Variants in SOX9 observed in about 807,000 individuals in gnomAD.
SOX9 encodes SRY-box transcription factor 9, also known as transcription factor SOX-9.
Under a neutral mutation model 44.8 loss-of-function variants are expected in SOX9, and 2 were observed. The ratio of observed to expected loss-of-function variants is 0.04; its 90% CI spans 0.02 to 0.14. The LOEUF (loss-of-function observed/expected upper bound fraction) is 0.14. Ranked by LOEUF, SOX9 falls within the 10% of genes least tolerant of loss-of-function variation. The pLI is 1.00. For synonymous variants in SOX9, 381 were observed against 331.8 expected (o/e 1.15, Z -1.61); for missense variants, 583 against 728.6 (o/e 0.80, Z 2.30).
rs1908086972 is a variant in SOX9 at position 72,121,446 on chromosome 17, T to C, written c.55T>C (p.Ser19Pro). Residue 19 changes from serine (S) to proline (P), a missense_variant, in exon 1 of 3, where the codon TCC becomes CCC. This residue lies in a region of SOX9 where 101 missense variants were observed against 98.6 expected (regional missense o/e 1.02). Coordinates refer to ENST00000245479, the MANE Select transcript of SOX9 (RefSeq NM_000346.4). This position sits in a 1 kb window ranked among gnomAD's most constrained non-coding sequence, Gnocchi z 8.3. Reference sequence around the variant, plus strand: ...GACCGACGAGCAGGAGAAGGGCCTGTCCGGCGCCCCCAGCCCCACCATGTC... The same window carrying C: ...GACCGACGAGCAGGAGAAGGGCCTGCCCGGCGCCCCCAGCCCCACCATGTC... ...KMTDEQEKGLSGAPSPTMSED... is the reference protein window; with the variant it reads ...KMTDEQEKGLPGAPSPTMSED... 2 of 1,612,630 alleles carry C rather than the reference T, an allele frequency of 1.2e-6. No homozygotes were observed. Among genetic ancestry groups the C allele is most frequent in the Non-Finnish European group, 1.7e-6 (2 of 1,179,738 alleles).
rs2143256123 is a variant in SOX9 at position 72,124,122 on chromosome 17, C to G, written c.1265C>G (p.Pro422Arg). Residue 422 changes from proline to arginine, a missense_variant, in exon 3 of 3, where the codon CCC (proline) becomes CGC (arginine). Pro to Arg is a moderately radical substitution (Grantham distance 103). Coordinates refer to ENST00000245479, the MANE Select transcript of SOX9 (RefSeq NM_000346.4). The surrounding 1 kb of genome is among the most constrained non-coding windows in gnomAD (Gnocchi z 4.6). Reference protein sequence around the residue: ...QHSPQQIAYSPFNLPHYSPSY... With the variant: ...QHSPQQIAYSRFNLPHYSPSY... The stretch of plus-strand genomic sequence containing the variant: ...TCGCCCCAACAGATCGCCTACAGCC[C>G]CTTCAACCTCCCACACTACAGCCCC... 1 of 1,613,850 alleles carries G rather than the reference C, an allele frequency of 6.2e-7. No individual in the cohort carries two copies. Among genetic ancestry groups the G allele is most frequent in the Non-Finnish European group, 8.5e-7 (1 of 1,180,022 alleles).
Position 72,122,713 on chromosome 17 carries a change from G to T in SOX9, c.432-6G>T, listed in dbSNP as rs1318186659. ...TTCTCTGTGCCCCCCGCCCCGCCCC[G>T]AGCAGACTTCTGAACGAGAGCGAGA... On this transcript the variant is annotated splice_region_variant and splice_polypyrimidine_tract_variant and intron_variant, in intron 1 of 2. Coordinates refer to ENST00000245479, the MANE Select transcript of SOX9 (RefSeq NM_000346.4). 3.1e-6 allele frequency: 5 copies of T among 1,613,518 alleles called. No homozygotes were observed. Among genetic ancestry groups the T allele is most frequent in the Non-Finnish European group, 3.4e-6 (4 of 1,179,798 alleles).
At position 72,123,343 on chromosome 17, in the gene SOX9, C is replaced by G. The variant is rs1908168696; in HGVS notation, c.686-200C>G. ...GGACCCTCCGGGCCCCAGACCCTCC[C>G]CTGATAAAAGGGGGCTGTCCAGTGT... On this transcript the variant is annotated intron_variant, in intron 2 of 2. Coordinates refer to ENST00000245479, the MANE Select transcript of SOX9 (RefSeq NM_000346.4). This position sits in a 1 kb window ranked among gnomAD's most constrained non-coding sequence, Gnocchi z 6.5. 6.6e-6 allele frequency among the ~76,000 whole-genome samples: 1 copy of G among 152,190 alleles called. No homozygotes were observed. The highest frequency in any genetic ancestry group is 6.5e-5 in the Admixed American group (1 of 15,292).
rs750801924 is a variant in SOX9, at chr17:72,124,929, A to G, written c.*542A>G. 8.8e-5 allele frequency: 21 copies of G among 239,354 alleles called. No individual in the cohort carries two copies. The highest frequency in any genetic ancestry group is 1.4e-4 in the Non-Finnish European group (17 of 120,248). 14.8% of individuals were successfully genotyped at this position (239,354 alleles called of 1,614,324 possible). Reference sequence around the variant, plus strand: ...CTCTTATTTTTCCAACAGCTAAACTACTCTTAGTTGAACAGTGTGCCCTAG... The same window carrying G: ...CTCTTATTTTTCCAACAGCTAAACTGCTCTTAGTTGAACAGTGTGCCCTAG... On this transcript the variant is annotated 3_prime_UTR_variant, in exon 3 of 3. Transcript: ENST00000245479. The surrounding 1 kb of genome is among the most constrained non-coding windows in gnomAD (Gnocchi z 4.6).
Position 72,123,459 on chromosome 17 carries a change from G to A in SOX9, c.686-84G>A. 8 of 1,582,506 alleles carry A rather than the reference G, an allele frequency of 5.1e-6. No homozygotes were observed. The highest frequency in any genetic ancestry group is 1.1e-5 in the South Asian group (1 of 90,368). On this transcript the variant is annotated intron_variant, in intron 2 of 2. Coordinates refer to ENST00000245479, the MANE Select transcript of SOX9 (RefSeq NM_000346.4). The surrounding 1 kb of genome is among the most constrained non-coding windows in gnomAD (Gnocchi z 6.5). ...CCCTTATTACACTTTAGCAGCGAGG[G>A]AGGGTCCCCGGAGGGTGCCTAAGAC...
Position 72,122,955 on chromosome 17 carries a change from C to T in SOX9, c.668C>T (p.Ser223Phe), listed in dbSNP as rs772806721. Residue 223 changes from serine (S) to phenylalanine (F), a missense_variant, in exon 2 of 3, where the codon TCC becomes TTC. Ser to Phe is a radical substitution (Grantham distance 155, BLOSUM62 -2). This residue lies in a region of SOX9 where 88 missense variants were observed against 65.5 expected (regional missense o/e 1.34). Transcript: ENST00000245479. Reference protein sequence around the residue: ...HSSSGMSEVHSPGEHSGQSQG... With the variant: ...HSSSGMSEVHFPGEHSGQSQG... ...TCCTCCGGCATGAGCGAGGTGCACTCCCCCGGCGAGCACTCGGGTGAGTCG... is the reference window on the plus strand; with the variant it reads ...TCCTCCGGCATGAGCGAGGTGCACTTCCCCGGCGAGCACTCGGGTGAGTCG... 6.2e-7 allele frequency: 1 copy of T among 1,613,688 alleles called. No homozygotes were observed. Among genetic ancestry groups the T allele is most frequent in the South Asian group, 1.1e-5 (1 of 91,084 alleles).
Position 72,123,069 on chromosome 17 carries a change from C to A in SOX9, c.685+97C>A, listed in dbSNP as rs2143248297. 6.7e-7 allele frequency: 1 copy of A among 1,498,804 alleles called. No homozygotes were observed. The highest frequency in any genetic ancestry group is 9.1e-7 in the Non-Finnish European group (1 of 1,097,228). 92.8% of individuals were successfully genotyped at this position (1,498,804 alleles called of 1,614,324 possible). ...GGAGATTCTTCGTGGGGACTTTATG[C>A]TTCCCGGGAGGGACACACTGCCCTT... is the stretch of plus-strand genomic sequence containing the variant. On this transcript the variant is annotated intron_variant, in intron 2 of 2. Coordinates refer to ENST00000245479, the MANE Select transcript of SOX9 (RefSeq NM_000346.4). The surrounding 1 kb of genome is among the most constrained non-coding windows in gnomAD (Gnocchi z 6.5).
In SOX9 at chr17:72,124,331, A is replaced by G; in HGVS notation, c.1474A>G (p.Thr492Ala). Residue 492 changes from threonine to alanine, a missense_variant, in exon 3 of 3, where the codon ACC becomes GCC. Thr to Ala is a moderately conservative substitution (Grantham distance 58, BLOSUM62 0). Coordinates refer to ENST00000245479, the MANE Select transcript of SOX9 (RefSeq NM_000346.4). The surrounding 1 kb of genome is among the most constrained non-coding windows in gnomAD (Gnocchi z 4.6). ...CTCTGGGGTCCCTTCCATCCCGCAG[A>G]CCCACAGCCCCCAGCACTGGGAACA... ...DTSGVPSIPQ[T>A]HSPQHWEQPV... 6.2e-7 allele frequency: 1 copy of G among 1,602,918 alleles called. No individual in the cohort carries two copies. The highest frequency in any genetic ancestry group is 8.5e-7 in the Non-Finnish European group (1 of 1,179,926).
At position 72,123,827 on chromosome 17, in the gene SOX9, A is replaced by C; in HGVS notation, c.970A>C (p.Thr324Pro). 1 of 1,607,522 alleles carries C rather than the reference A, an allele frequency of 6.2e-7. No individual in the cohort carries two copies. ...TYTGSYGISS[T>P]AATPASAGHV... ...CACGGGCAGCTACGGCATCAGCAGC[A>C]CCGCGGCCACCCCGGCGAGCGCGGG... is the stretch of plus-strand genomic sequence containing the variant. The change falls in exon 3 of 3, where the codon ACC (threonine) becomes CCC (proline). Residue 324 changes from threonine (T) to proline (P), a missense_variant. By Grantham distance (38) the Thr-to-Pro change is conservative (BLOSUM62 -1). Coordinates refer to ENST00000245479, the MANE Select transcript of SOX9 (RefSeq NM_000346.4). The surrounding 1 kb of genome is among the most constrained non-coding windows in gnomAD (Gnocchi z 6.5).
At position 72,123,645 on chromosome 17, in the gene SOX9, G is replaced by T. The variant is rs756469416; in HGVS notation, c.788G>T (p.Gly263Val). ...KREGRPLPEG[G>V]RQPPIDFRDV... ...GAGGGGCGCCCCTTGCCAGAGGGGG[G>T]CAGACAGCCCCCTATCGACTTCCGC... The change falls in exon 3 of 3, where the codon GGC (glycine) becomes GTC (valine). Residue 263 changes from glycine (G) to valine (V), a missense_variant. Physicochemically the swap from Gly to Val is moderately radical, Grantham distance 109. Coordinates refer to ENST00000245479, the MANE Select transcript of SOX9 (RefSeq NM_000346.4). The surrounding 1 kb of genome is among the most constrained non-coding windows in gnomAD (Gnocchi z 6.5). 1.2e-6 allele frequency: 2 copies of T among 1,614,130 alleles called. No homozygotes were observed. Among genetic ancestry groups the T allele is most frequent in the Non-Finnish European group, 1.7e-6 (2 of 1,180,018 alleles).
rs11448561 is a variant in SOX9 at position 72,126,364 on chromosome 17, C to CTT, written c.*1988_*1989dup. On this transcript the variant is annotated 3_prime_UTR_variant, in exon 3 of 3. Coordinates refer to ENST00000245479, the MANE Select transcript of SOX9 (RefSeq NM_000346.4). Reference sequence around the variant, plus strand: ...AACTTACCTTTCCCTTTTTCTTTCTCTTTTTTTTTTTTGTATATTATTGTT... The same window carrying CTT: ...AACTTACCTTTCCCTTTTTCTTTCTCTTTTTTTTTTTTTTGTATATTATTGTT... The CTT allele has an allele frequency of 6.6e-3, 1,399 of 211,430 alleles. 18 individuals carry two copies. The highest frequency in any genetic ancestry group is 0.025 in the African/African-American group (1,075 of 42,620). 13.1% of individuals were successfully genotyped at this position (211,430 alleles called of 1,614,324 possible).
At chr17:72,122,171 T>C (rs1439032709) in intron 1 of SOX9, among the ~76,000 whole-genome samples, 1 of 151,872 alleles carries the variant, frequency 6.6e-6, no homozygotes, top group African/African-American at 2.4e-5. Context: ...GCCTCCCTCC[T>C]ACCCGGCCTC....
rs1451445875 is a variant in SOX9 at position 72,123,840 on chromosome 17, C to G, written c.983C>G (p.Pro328Arg). The G allele has an allele frequency of 1.3e-6, 2 of 1,599,404 alleles. No homozygotes were observed. Among genetic ancestry groups the G allele is most frequent in the South Asian group, 1.1e-5 (1 of 90,314 alleles). Residue 328 changes from proline (P) to arginine (R), a missense_variant, in exon 3 of 3, where the codon CCG (proline) becomes CGG (arginine). Physicochemically the swap from Pro to Arg is moderately radical, Grantham distance 103. Coordinates refer to ENST00000245479, the MANE Select transcript of SOX9 (RefSeq NM_000346.4). This position sits in a 1 kb window ranked among gnomAD's most constrained non-coding sequence, Gnocchi z 6.5. ...SYGISSTAAT[P>R]ASAGHVWMSK... The stretch of plus-strand genomic sequence containing the variant: ...GGCATCAGCAGCACCGCGGCCACCC[C>G]GGCGAGCGCGGGCCACGTGTGGATG...
chr17:72,123,406 T>C lies in SOX9; in HGVS notation c.686-137T>C. ...TAATCATTGGGCGACTTATCTCCGG[T>C]GCAGCGCGCCTCTTGCGCGGGTGCG... On this transcript the variant is annotated intron_variant, in intron 2 of 2. Transcript: ENST00000245479. This position sits in a 1 kb window ranked among gnomAD's most constrained non-coding sequence, Gnocchi z 6.5. The C allele has an allele frequency of 8.3e-7, 1 of 1,198,440 alleles. No homozygotes were observed. Among genetic ancestry groups the C allele is most frequent in the Non-Finnish European group, 1.2e-6 (1 of 828,180 alleles). 74.2% of individuals were successfully genotyped at this position (1,198,440 alleles called of 1,614,324 possible). A position where few individuals can be genotyped will look rare whatever the true frequency, so the allele number is the denominator to read the frequency against.
In SOX9 at chr17:72,123,845, A is replaced by G. The variant is rs2143253079; in HGVS notation, c.988A>G (p.Ser330Gly). 6.3e-7 allele frequency: 1 copy of G among 1,596,708 alleles called. No individual in the cohort carries two copies. Residue 330 changes from serine to glycine, a missense_variant, in exon 3 of 3, where the codon AGC (serine) becomes GGC (glycine). Ser to Gly is a moderately conservative substitution (Grantham distance 56). Coordinates refer to ENST00000245479, the MANE Select transcript of SOX9 (RefSeq NM_000346.4). This position sits in a 1 kb window ranked among gnomAD's most constrained non-coding sequence, Gnocchi z 6.5. ...GISSTAATPA[S>G]AGHVWMSKQQ... ...CAGCAGCACCGCGGCCACCCCGGCG[A>G]GCGCGGGCCACGTGTGGATGTCCAA...
At position 72,123,455 on chromosome 17, in the gene SOX9, G is replaced by A. The variant is rs1908172744; in HGVS notation, c.686-88G>A. Reference sequence around the variant, plus strand: ...CGGGCCCTTATTACACTTTAGCAGCGAGGGAGGGTCCCCGGAGGGTGCCTA... The same window carrying A: ...CGGGCCCTTATTACACTTTAGCAGCAAGGGAGGGTCCCCGGAGGGTGCCTA... On this transcript the variant is annotated intron_variant, in intron 2 of 2. Coordinates refer to ENST00000245479, the MANE Select transcript of SOX9 (RefSeq NM_000346.4). The surrounding 1 kb of genome is among the most constrained non-coding windows in gnomAD (Gnocchi z 6.5). 3.2e-6 allele frequency: 5 copies of A among 1,575,658 alleles called. No individual in the cohort carries two copies. The highest frequency in any genetic ancestry group is 2.2e-5 in the East Asian group (1 of 44,658).
rs1249440631 is a variant in SOX9, at chr17:72,122,797, G to A, written c.510G>A (p.Pro170=). ...RLRVQHKKDH[P]DYKYQPRRRK... ...GCGTGCAGCACAAGAAGGACCACCC[G>A]GATTACAAGTACCAGCCGCGGCGGA... Residue 170 remains proline (P), a synonymous_variant, in exon 2 of 3, where the codon CCG becomes CCA. Transcript: ENST00000245479. The A allele has an allele frequency of 1.9e-6, 3 of 1,613,988 alleles. No individual in the cohort carries two copies. The highest frequency in any genetic ancestry group is 2.2e-5 in the East Asian group (1 of 44,868).
At position 72,121,331 on chromosome 17, in the gene SOX9, C is replaced by A. The variant is rs1908080826; in HGVS notation, c.-61C>A. The A allele has an allele frequency of 6.7e-7, 1 of 1,497,308 alleles. No homozygotes were observed. The highest frequency in any genetic ancestry group is 1.1e-5 in the South Asian group (1 of 87,334). 92.8% of individuals were successfully genotyped at this position (1,497,308 alleles called of 1,614,324 possible). A position where few individuals can be genotyped will look rare whatever the true frequency, so the allele number is the denominator to read the frequency against. ...GGGGAGAGGAGCCCGCGCCTCGAGT[C>A]CCCGAGCCGCCGCGGCTTCTCGCCT... On this transcript the variant is annotated 5_prime_UTR_variant, in exon 1 of 3. Coordinates refer to ENST00000245479, the MANE Select transcript of SOX9 (RefSeq NM_000346.4). The surrounding 1 kb of genome is among the most constrained non-coding windows in gnomAD (Gnocchi z 8.3).
rs908696800 is a variant in SOX9, at chr17:72,126,213, C to A, written c.*1826C>A. 2.6e-5 allele frequency: 6 copies of A among 232,826 alleles called. No homozygotes were observed. Among genetic ancestry groups the A allele is most frequent in the African/African-American group, 4.4e-5 (2 of 45,288 alleles). 14.4% of individuals were successfully genotyped at this position (232,826 alleles called of 1,614,324 possible). A position where few individuals can be genotyped will look rare whatever the true frequency, so the allele number is the denominator to read the frequency against. ...AGCAGATCTTTTTAAAAAGATACTT[C>A]TGTAACTTAAGAAACCTGGCATTTA... On this transcript the variant is annotated 3_prime_UTR_variant, in exon 3 of 3. Transcript: ENST00000245479.
Sources: gnomAD v4.1 joint callset for allele counts (sites outside exome capture counted in the v4.1 genomes callset) on GRCh38, gnomAD v4.1.1 for gene constraint, gnomAD v4.1.1 regional missense constraint, Gnocchi (gnomAD v3.1) non-coding constraint, MANE v1.5 for transcripts, NCBI Gene and HGNC (gene_info 2026-07-23, HGNC 2026-07-21) for gene names.